PAPPA2: variants seen among roughly 807,000 people sequenced by gnomAD.
PAPPA2 encodes the protein pappalysin-2.
A neutral mutation model predicts 176.4 loss-of-function variants in PAPPA2; 86 were observed. The observed-to-expected ratio is 0.49, with a 90% CI of 0.41 to 0.58. The LOEUF (loss-of-function observed/expected upper bound fraction) is 0.58. Ranked by LOEUF, PAPPA2 falls within the 20% of genes least tolerant of loss-of-function variation. The pLI is 0.00. For synonymous variants in PAPPA2, 809 were observed against 852.2 expected (o/e 0.95, Z 0.88); for missense variants, 2,073 against 2,256.9 (o/e 0.92, Z 1.65).
At chr1:176,595,685 A>C (rs1011897838) in intron 3 of PAPPA2, 90 bp downstream of exon 3, 8 of 1,245,570 alleles carry the variant, frequency 6.4e-6, no homozygotes, top group Non-Finnish European at 8.8e-6. Flanking sequence ...ATGTGTTCAC[A>C]CACTCCCTGA....
chr1:176,739,329 G>T (rs1472732678), intron 12 of PAPPA2, among the ~76,000 whole-genome samples: 4 of 151,984 alleles, frequency 2.6e-5, no homozygotes, highest in African/African-American at 4.8e-5. Flanking sequence ...TTAAATGATT[G>T]TTTTCAGAAA....
At chr1:176,719,875 A>G (rs1345484300) in intron 12 of PAPPA2, among the ~76,000 whole-genome samples, 3 of 152,220 alleles carry the variant, frequency 2.0e-5, no homozygotes, top group Non-Finnish European at 2.9e-5. Context: ...TAACGTAAGT[A>G]TACACTTTTT....
chr1:176,576,341 T>G (rs572764195), intron 2 of PAPPA2, among the ~76,000 whole-genome samples: 2 of 152,298 alleles, frequency 1.3e-5, no homozygotes, highest in African/African-American at 4.8e-5. Context: ...TTGTATTTCT[T>G]TTTTGAGTTA....
intron 5 of PAPPA2, chr1:176,691,262 G>A: frequency 1.3e-6 from 1 of 792,276 alleles, no homozygotes; most frequent in Non-Finnish European, 1.5e-6. Context: ...TTTGGTGACA[G>A]GTTCTTCTAG....
At chr1:176,824,352 C>A (rs1293544940) in intron 21 of PAPPA2, among the ~76,000 whole-genome samples, 2 of 152,186 alleles carry the variant, frequency 1.3e-5, no homozygotes, top group African/African-American at 4.8e-5. Flanking sequence ...TACTGCCACA[C>A]ACACAATCAA....
intron 1 of PAPPA2, among the ~76,000 whole-genome samples, chr1:176,486,455 A>G (rs182714582): frequency 6.6e-6 from 1 of 152,206 alleles, no homozygotes; most frequent in Non-Finnish European, 1.5e-5. Context: ...ACATCTCTAC[A>G]GTGCACTGTA....
chr1:176,571,497 G>A (rs1652327413), intron 2 of PAPPA2, among the ~76,000 whole-genome samples: 1 of 152,178 alleles, frequency 6.6e-6, no homozygotes, highest in Admixed American at 6.5e-5. Context: ...TAAGGGCTTG[G>A]TTAATGCCTG....
chr1:176,664,787 C>T (rs774698138), intron 3 of PAPPA2, among the ~76,000 whole-genome samples: 5 of 152,128 alleles, frequency 3.3e-5, no homozygotes, highest in East Asian at 1.9e-4. Flanking sequence ...AATTAGCAAA[C>T]GTGAGTTAAT....
chr1:176,465,475 C>T lies in PAPPA2; in HGVS notation c.-917+2057C>T, dbSNP rs148693916. Among the ~76,000 whole-genome samples, 755 of 152,212 alleles carry T rather than the reference C, an allele frequency of 5.0e-3. 10 individuals carry two copies. Among genetic ancestry groups the T allele is most frequent in the African/African-American group, 0.017 (699 of 41,544 alleles). The stretch of plus-strand genomic sequence containing the variant: ...TTATTTGATTACTTGTTAGATTAGA[C>T]GCATTTTTTCCTATATTTATTGGGC... On this transcript the variant is annotated intron_variant, in intron 1 of 22. Transcript: ENST00000367662.
At chr1:176,628,675 G>T (rs969512769) in intron 3 of PAPPA2, among the ~76,000 whole-genome samples, 2 of 152,178 alleles carry the variant, frequency 1.3e-5, no homozygotes, top group Admixed American at 1.3e-4. Flanking sequence ...AAGCAAAGTA[G>T]AGGTAGATAT....
At chr1:176,525,072 A>G (rs1649429027) in intron 1 of PAPPA2, among the ~76,000 whole-genome samples, 1 of 152,128 alleles carries the variant, frequency 6.6e-6, no homozygotes, top group African/African-American at 2.4e-5. Flanking sequence ...TTAAAATTTT[A>G]GGAGCATTAT....
At chr1:176,538,182 T>C (rs758533486) in intron 1 of PAPPA2, among the ~76,000 whole-genome samples, 10 of 152,204 alleles carry the variant, frequency 6.6e-5, no homozygotes, top group Non-Finnish European at 1.5e-4. Flanking sequence ...AGTGTCAGGA[T>C]TACCTCTTCC....
At chr1:176,638,727 A>AT (rs913535760) in intron 3 of PAPPA2, among the ~76,000 whole-genome samples, 26 of 151,214 alleles carry the variant, frequency 1.7e-4, no homozygotes, top group Middle Eastern at 3.4e-3. Flanking sequence ...GGATTCTCGG[A>AT]TTTTTTTTTC....
chr1:176,760,995 G>T (rs1416187165), intron 14 of PAPPA2, among the ~76,000 whole-genome samples: 3 of 151,924 alleles, frequency 2.0e-5, no homozygotes, highest in Non-Finnish European at 2.9e-5. Flanking sequence ...CTAATTTTTT[G>T]TATTTTTAGT....
chr1:176,543,046 T>C (rs1254483138), intron 1 of PAPPA2, among the ~76,000 whole-genome samples: 2 of 152,206 alleles, frequency 1.3e-5, no homozygotes, highest in African/African-American at 2.4e-5. Flanking sequence ...TCCTTGCAGT[T>C]TCAAAGTGTG....
chr1:176,495,002 T>A (rs578035570), intron 1 of PAPPA2, among the ~76,000 whole-genome samples: 3 of 152,306 alleles, frequency 2.0e-5, no homozygotes, highest in African/African-American at 7.2e-5. Flanking sequence ...CACTTGAGAA[T>A]GCACTGCCTA....
chr1:176,688,801 G>A (rs1659965806), intron 4 of PAPPA2, among the ~76,000 whole-genome samples: 1 of 152,320 alleles, frequency 6.6e-6, no homozygotes, highest in East Asian at 1.9e-4. Context: ...TATTAGATAG[G>A]CCAGTGGGTG....
intron 12 of PAPPA2, among the ~76,000 whole-genome samples, chr1:176,721,088 T>A (rs930211141): frequency 6.6e-6 from 1 of 152,136 alleles, no homozygotes; most frequent in Non-Finnish European, 1.5e-5. Context: ...AGAAACACCA[T>A]ACAAACACAC....
At chr1:176,646,756 G>T (rs942799623) in intron 3 of PAPPA2, among the ~76,000 whole-genome samples, 8 of 151,344 alleles carry the variant, frequency 5.3e-5, no homozygotes, top group Non-Finnish European at 1.0e-4. Context: ...TCTTTTTATG[G>T]CTGAATAGTA....
Sources: gnomAD v4.1 joint callset for allele counts (sites outside exome capture counted in the v4.1 genomes callset) on GRCh38, gnomAD v4.1.1 for gene constraint, MANE v1.5 for transcripts, NCBI Gene and HGNC (gene_info 2026-07-23, HGNC 2026-07-21) for gene names.